CAAP1: variants seen among roughly 807,000 people sequenced by gnomAD.
CAAP1 encodes caspase activity and apoptosis inhibitor 1, also known as conserved anti-apoptotic protein.
In CAAP1, 20 loss-of-function variants were observed where a neutral mutation model predicts 34.0. The ratio of observed to expected loss-of-function variants is 0.59; its 90% CI spans 0.41 to 0.86. The LOEUF is 0.86. CAAP1 is among the 40% of genes least tolerant of loss of function. The pLI, the probability that CAAP1 is intolerant of heterozygous loss-of-function variation, is 0.00. For synonymous variants in CAAP1, 213 were observed against 166.7 expected, an observed-to-expected ratio of 1.28 and a Z score of -2.14; for missense variants, 538 against 450.5, an observed-to-expected ratio of 1.19 and a Z score of -1.76.
chr9:26,885,895 G>T (rs1283549178), intron 3 of CAAP1, among the ~76,000 whole-genome samples: 2 of 151,874 alleles, frequency 1.3e-5, no homozygotes, highest in Non-Finnish European at 2.9e-5. Context: ...ATATACACTT[G>T]ACCTGGAAAA....
intron 4 of CAAP1, among the ~76,000 whole-genome samples, chr9:26,867,319 T>C (rs1263405373): frequency 7.2e-5 from 11 of 152,218 alleles, no homozygotes; most frequent in Admixed American, 6.5e-5. Flanking sequence ...TTCTATCATA[T>C]AGTCTTCTCA....
In CAAP1 at chr9:26,840,861, T is replaced by A. The variant is rs150185327; in HGVS notation, c.*1440A>T. 1 of 152,240 alleles carries A rather than the reference T, an allele frequency of 6.6e-6. No homozygotes were observed. Among genetic ancestry groups the A allele is most frequent in the Non-Finnish European group, 1.5e-5 (1 of 68,038 alleles). The allele number at this position is 152,240 out of a possible 1,614,324, so 9.4% of individuals were successfully genotyped here. A position where few individuals can be genotyped will look rare whatever the true frequency, so the allele number is the denominator to read the frequency against. On this transcript the variant is annotated 3_prime_UTR_variant, in exon 6 of 6. Transcript: ENST00000333916. Reference sequence around the variant, plus strand: ...TTTAAGTTGAAATAGAAAAATTATATCACTGTCTTTTCATCTTGAAGCAAT... The same window carrying A: ...TTTAAGTTGAAATAGAAAAATTATAACACTGTCTTTTCATCTTGAAGCAAT...
Position 26,842,135 on chromosome 9 carries a change from G to T in CAAP1, c.*166C>A. On this transcript the variant is annotated 3_prime_UTR_variant, in exon 6 of 6. Coordinates refer to ENST00000333916, the MANE Select transcript of CAAP1 (RefSeq NM_024828.4). Reference sequence around the variant, plus strand: ...AACACACATTTATAATATAAAAGTAGTCAAAAAAATAAAAAGAAACAGCCA... The same window carrying T: ...AACACACATTTATAATATAAAAGTATTCAAAAAAATAAAAAGAAACAGCCA... 1.8e-6 allele frequency: 1 copy of T among 560,242 alleles called. No individual in the cohort carries two copies. Among genetic ancestry groups the T allele is most frequent in the Non-Finnish European group, 3.1e-6 (1 of 323,726 alleles). 34.7% of individuals were successfully genotyped at this position (560,242 alleles called of 1,614,324 possible).
chr9:26,869,914 A>C lies in CAAP1; in HGVS notation c.666-8775T>G, dbSNP rs559481381. 121 of 981,410 alleles carry C rather than the reference A, an allele frequency of 1.2e-4. No homozygotes were observed. In the African/African-American group the frequency reaches 2.0e-3, roughly 16 times the overall value. The allele number at this position is 981,410 out of a possible 1,614,324, so 60.8% of individuals were successfully genotyped here. ...AAGGTGATAGAGAAAGAGTAGAAAA[A>C]AGGAAAAATACCTGCTAATCATCTA... On this transcript the variant is annotated intron_variant, in intron 4 of 5. Transcript: ENST00000333916.
intron 4 of CAAP1, among the ~76,000 whole-genome samples, chr9:26,867,708 T>C (rs7868325): frequency 0.022 from 3,353 of 152,290 alleles, 121 homozygotes; most frequent in African/African-American, 0.076. Context: ...ACCTATACTT[T>C]AAAATTATTA....
At chr9:26,866,538 G>GT (rs372830895) in intron 4 of CAAP1, among the ~76,000 whole-genome samples, 3 of 152,240 alleles carry the variant, frequency 2.0e-5, no homozygotes, top group African/African-American at 7.2e-5. Context: ...ATTCAAATAA[G>GT]TAAGTTGTTA....
chr9:26,877,555 C>A lies in CAAP1; in HGVS notation c.665+7255G>T, dbSNP rs920117219. Among the ~76,000 whole-genome samples, 8 of 152,120 alleles carry A rather than the reference C, an allele frequency of 5.3e-5. No individual in the cohort carries two copies. In the East Asian group the frequency reaches 1.5e-3, roughly 29 times the overall value. On this transcript the variant is annotated intron_variant, in intron 4 of 5. Coordinates refer to ENST00000333916, the MANE Select transcript of CAAP1 (RefSeq NM_024828.4). ...CCCAACAAATGAATGGTATCTTGAC[C>A]AAGTATAGGAGCAAGGGTTCAATTT...
At chr9:26,848,979 C>T (rs1213531122) in intron 5 of CAAP1, among the ~76,000 whole-genome samples, 2 of 152,168 alleles carry the variant, frequency 1.3e-5, no homozygotes, top group African/African-American at 4.8e-5. Context: ...GTGACTGGTT[C>T]ATTCTGCTGT....
intron 1 of CAAP1, among the ~76,000 whole-genome samples, chr9:26,890,492 A>T (rs1433484107): frequency 1.3e-5 from 2 of 152,114 alleles, no homozygotes; most frequent in South Asian, 2.1e-4. Flanking sequence ...AGAGTGTCTT[A>T]AAAAATCACT....
chr9:26,873,936 G>A (rs1446361492), intron 4 of CAAP1, among the ~76,000 whole-genome samples: 4 of 151,934 alleles, frequency 2.6e-5, no homozygotes, highest in South Asian at 2.1e-4. Context: ...CACCGGGTAC[G>A]GTGGCTCACG....
At chr9:26,849,071 G>A (rs781188933) in intron 5 of CAAP1, among the ~76,000 whole-genome samples, 10 of 152,130 alleles carry the variant, frequency 6.6e-5, no homozygotes, top group Non-Finnish European at 1.5e-4. Context: ...GAATCAAGTC[G>A]GTAGGACTGA....
At chr9:26,854,003 T>C (rs944811197) in intron 5 of CAAP1, among the ~76,000 whole-genome samples, 3 of 151,650 alleles carry the variant, frequency 2.0e-5, no homozygotes, top group African/African-American at 7.2e-5. Context: ...TATTAAACTC[T>C]TTTTCTTCAA....
In CAAP1 at chr9:26,887,433, G is replaced by A. The variant is rs756727151; in HGVS notation, c.384C>T (p.Asp128=). ...TAACTGGTTTCAATGACACAGTCAG[G>A]TCCAGTCCACCTTCTTCAAGGTCAC... ...EHSDLEEGGL[D]LTVSLKPVSF... The change falls in exon 2 of 6, where the codon GAC becomes GAT. Residue 128 remains aspartate, a synonymous_variant. Transcript: ENST00000333916. 1.9e-6 allele frequency: 3 copies of A among 1,613,580 alleles called. No homozygotes were observed. The highest frequency in any genetic ancestry group is 1.7e-6 in the Non-Finnish European group (2 of 1,179,754).
At chr9:26,876,472 GTTTTT>G (rs60742949) in intron 4 of CAAP1, among the ~76,000 whole-genome samples, 10 of 125,726 alleles carry the variant, frequency 8.0e-5, no homozygotes, top group African/African-American at 2.8e-4. Flanking sequence ...ATTCTAGAAG[GTTTTT>G]TTTTTTTTTT....
At chr9:26,860,919 C>T (rs751284822) in intron 5 of CAAP1, 147 bp downstream of exon 5, 10 of 640,024 alleles carry the variant, frequency 1.6e-5, no homozygotes, top group Non-Finnish European at 2.8e-5. Flanking sequence ...CTAAAAGAAT[C>T]ATGAAGTGAC....
chr9:26,882,985 T>C lies in CAAP1; in HGVS notation c.665+1825A>G, dbSNP rs572907545. On this transcript the variant is annotated intron_variant, in intron 4 of 5. Transcript: ENST00000333916. ...ATTTGGAAGGGGTGTATTTATCCAA[T>C]GCCTGTATCCCCATTATATCTAGGA... is the stretch of plus-strand genomic sequence containing the variant. Among the ~76,000 whole-genome samples, 4 of 152,316 alleles carry C rather than the reference T, an allele frequency of 2.6e-5. No homozygotes were observed. The South Asian group carries it at 6.2e-4, about 24-fold the overall frequency.
intron 4 of CAAP1, among the ~76,000 whole-genome samples, chr9:26,865,941 G>C (rs1823125693): frequency 6.6e-6 from 1 of 152,132 alleles, no homozygotes; most frequent in African/African-American, 2.4e-5. Flanking sequence ...CCACCTCCCA[G>C]GTTCCAGGGA....
intron 4 of CAAP1, among the ~76,000 whole-genome samples, chr9:26,879,055 T>C (rs912334013): frequency 6.6e-6 from 1 of 152,210 alleles, no homozygotes; most frequent in Admixed American, 6.5e-5. Flanking sequence ...TCCTCTGACT[T>C]TGGAGAAATG....
intron 4 of CAAP1, among the ~76,000 whole-genome samples, chr9:26,871,447 C>T (rs1823271785): frequency 6.6e-6 from 1 of 151,610 alleles, no homozygotes; most frequent in Non-Finnish European, 1.5e-5. Flanking sequence ...CACAGTGGTA[C>T]TCGCCTGTAA....
Sources: gnomAD v4.1 joint callset for allele counts (sites outside exome capture counted in the v4.1 genomes callset) on GRCh38, gnomAD v4.1.1 for gene constraint, MANE v1.5 for transcripts, NCBI Gene and HGNC (gene_info 2026-07-23, HGNC 2026-07-21) for gene names.